SMG1: variants seen among roughly 807,000 people sequenced by gnomAD.
SMG1 encodes the protein SMG1 nonsense mediated mRNA decay associated PI3K related kinase, also known as serine/threonine-protein kinase SMG1.
SMG1 carries 22 observed loss-of-function variants against 419.9 expected under a neutral mutation model. The observed-to-expected ratio is 0.05, with a 90% CI of 0.04 to 0.07. The LOEUF is 0.07. SMG1 is among the 10% of genes least tolerant of loss of function. The pLI, the probability that SMG1 is intolerant of heterozygous loss-of-function variation, is 1.00. For missense variants in SMG1, 3,185 were observed against 4,342.0 expected (o/e 0.73, Z 7.49); for synonymous variants, 1,538 against 1,553.5 (o/e 0.99, Z 0.23).
At chr16:18,828,769 C>CGGGT (rs2032941367) in intron 54 of SMG1, among the ~76,000 whole-genome samples, 1 of 152,170 alleles carries the variant, frequency 6.6e-6, no homozygotes, top group East Asian at 1.9e-4. Context: ...GAGGCCAAGG[C>CGGGT]GGGTGGATCA....
Position 18,827,489 on chromosome 16 carries a change from AAATATACC to A in SMG1, c.9741+534_9741+541del, listed in dbSNP as rs1215457165. Among the ~76,000 whole-genome samples the A allele has an allele frequency of 4.1e-5, 6 of 145,500 alleles. No homozygotes were observed. In the East Asian group the frequency reaches 1.2e-3, roughly 29 times the overall value. ...ATATATTTTTATATATATTTGGTAT[AAATATACC>A]AAAATATATATTTTTATATATCTTT... On this transcript the variant is annotated intron_variant, in intron 55 of 62. Coordinates refer to ENST00000446231, the MANE Select transcript of SMG1 (RefSeq NM_015092.5).
intron 33 of SMG1, 38 bp downstream of exon 33, chr16:18,852,029 G>T: frequency 6.4e-7 from 1 of 1,555,698 alleles, no homozygotes; most frequent in South Asian, 1.2e-5. Context: ...CAATGATTTG[G>T]AGTAGCAATC....
chr16:18,816,343 G>C lies in SMG1; in HGVS notation c.10261C>G (p.Gln3421Glu). Residue 3421 changes from glutamine (Q) to glutamate (E), a missense_variant, in exon 58 of 63, where the codon CAG becomes GAG. Physicochemically the swap from Gln to Glu is conservative, Grantham distance 29. This residue lies in a region of SMG1 where 737 missense variants were observed against 846.6 expected (regional missense o/e 0.87). Coordinates refer to ENST00000446231, the MANE Select transcript of SMG1 (RefSeq NM_015092.5). ...AAGAGATGTTTGACATCTCCAAGCT[G>C]TCGGTTATGACCAGTGAGCACAGTC... Reference protein sequence around the residue: ...IKTVLTGHNRQLGDVKHLLKA... With the variant: ...IKTVLTGHNRELGDVKHLLKA... The C allele has an allele frequency of 6.2e-7, 1 of 1,613,940 alleles. No individual in the cohort carries two copies. The highest frequency in any genetic ancestry group is 8.5e-7 in the Non-Finnish European group (1 of 1,179,874).
intron 56 of SMG1, among the ~76,000 whole-genome samples, chr16:18,818,817 CCTTT>C: frequency 8.4e-6 from 1 of 119,252 alleles, no homozygotes; most frequent in East Asian, 2.1e-4. Context: ...GGCACAAGGT[CCTTT>C]TTTTTTTTTT....
chr16:18,922,584 C>T (rs939144346), intron 1 of SMG1, among the ~76,000 whole-genome samples: 1 of 152,174 alleles, frequency 6.6e-6, no homozygotes, highest in Non-Finnish European at 1.5e-5. Flanking sequence ...CCTGCCTCAG[C>T]CTCCCGAGTA....
intron 60 of SMG1, among the ~76,000 whole-genome samples, chr16:18,814,202 C>A (rs1410061103): frequency 1.3e-5 from 2 of 151,670 alleles, no homozygotes; most frequent in Non-Finnish European, 2.9e-5. Flanking sequence ...GCATAATCAT[C>A]CCAATGTGTT....
At chr16:18,843,232 T>C (rs963781137) in intron 39 of SMG1, among the ~76,000 whole-genome samples, 2 of 152,244 alleles carry the variant, frequency 1.3e-5, no homozygotes, top group African/African-American at 2.4e-5. Context: ...AGGCTCAATC[T>C]ACTCTTATCA....
At chr16:18,899,783 C>T (rs1223673847) in intron 1 of SMG1, among the ~76,000 whole-genome samples, 1 of 152,018 alleles carries the variant, frequency 6.6e-6, no homozygotes, top group Non-Finnish European at 1.5e-5. Context: ...GAATTAGTGT[C>T]TCAATTTAGT....
At chr16:18,851,316 G>A (rs2034576785) in intron 33 of SMG1, among the ~76,000 whole-genome samples, 1 of 152,234 alleles carries the variant, frequency 6.6e-6, no homozygotes, top group South Asian at 2.1e-4. Flanking sequence ...TCTGAAGGGA[G>A]AGAGTGTGAA....
At chr16:18,919,699 C>CACACACAA (rs2038120075) in intron 1 of SMG1, among the ~76,000 whole-genome samples, 1 of 135,428 alleles carries the variant, frequency 7.4e-6, no homozygotes, top group African/African-American at 2.7e-5. Flanking sequence ...CACACACACA[C>CACACACAA]AATCTCCCTA....
Position 18,845,510 on chromosome 16 carries a change from A to G in SMG1, c.6138T>C (p.Asp2046=). Residue 2046 remains aspartate, a synonymous_variant, in exon 39 of 63, where the codon GAT becomes GAC. Coordinates refer to ENST00000446231, the MANE Select transcript of SMG1 (RefSeq NM_015092.5). ...HEKWFQDNYG[D]AIENALEKLK... ...GTTTTTCTAGGGCATTTTCAATGGC[A>G]TCACCATAGTTATCCTGAAACCATT... The G allele has an allele frequency of 6.2e-7, 1 of 1,613,952 alleles. No homozygotes were observed. Among genetic ancestry groups the G allele is most frequent in the Non-Finnish European group, 8.5e-7 (1 of 1,179,884 alleles).
intron 13 of SMG1, among the ~76,000 whole-genome samples, chr16:18,874,940 G>A (rs1213056911): frequency 7.0e-6 from 1 of 142,056 alleles, no homozygotes; most frequent in Non-Finnish European, 1.5e-5. Context: ...AAGGACTACG[G>A]GTTGAGTATC....
At chr16:18,911,149 G>A (rs944152575) in intron 1 of SMG1, among the ~76,000 whole-genome samples, 8 of 152,178 alleles carry the variant, frequency 5.3e-5, no homozygotes, top group African/African-American at 1.9e-4. Context: ...GCAGAGCTAT[G>A]CTGAAATTTC....
At chr16:18,814,928 G>A (rs67115982) in intron 60 of SMG1, among the ~76,000 whole-genome samples, 5 of 144,514 alleles carry the variant, frequency 3.5e-5, no homozygotes, top group African/African-American at 1.3e-4. Flanking sequence ...TTTTTAAAGA[G>A]ACAGGGTCTT....
chr16:18,899,630 AGAAAACTGTTAAAGAACG>A (rs1480662574), intron 1 of SMG1, among the ~76,000 whole-genome samples: 4 of 152,206 alleles, frequency 2.6e-5, no homozygotes, highest in Non-Finnish European at 5.9e-5. Flanking sequence ...TCCAATAAAT[AGAAAACTGTTAAAGAACG>A]GAAATGAGCA....
intron 9 of SMG1, among the ~76,000 whole-genome samples, chr16:18,883,656 C>T (rs149829429): frequency 0.013 from 1,967 of 152,258 alleles, 52 homozygotes; most frequent in African/African-American, 0.045. Context: ...CGGGGGCTCA[C>T]GCCTATAATC....
At chr16:18,834,690 G>A (rs1157560646) in intron 49 of SMG1, among the ~76,000 whole-genome samples, 4 of 152,186 alleles carry the variant, frequency 2.6e-5, no homozygotes, top group Non-Finnish European at 5.9e-5. Flanking sequence ...AGGTTGCTGT[G>A]AGCCGAGATC....
intron 15 of SMG1, 95 bp from the exon 16 acceptor site, chr16:18,871,577 T>G (rs2035825476): frequency 6.1e-6 from 3 of 492,778 alleles, no homozygotes; most frequent in Non-Finnish European, 1.1e-5. Context: ...CTTCTCTTGG[T>G]TTTTCAAACA....
In SMG1 at chr16:18,852,189, G is replaced by C. The variant is rs371248563; in HGVS notation, c.4930C>G (p.Arg1644Gly). ...TCAGATTTTTCTCTAGGCAGCAGACGAACACCTTCTCCCTGACTATAAAAA... is the reference window on the plus strand; with the variant it reads ...TCAGATTTTTCTCTAGGCAGCAGACCAACACCTTCTCCCTGACTATAAAAA... ...VDNASQGEGVRLLPREKSEVQ... is the reference protein window; with the variant it reads ...VDNASQGEGVGLLPREKSEVQ... Residue 1644 changes from arginine (R) to glycine (G), a missense_variant, in exon 33 of 63, where the codon CGT (arginine) becomes GGT (glycine). Physicochemically the swap from Arg to Gly is moderately radical, Grantham distance 125. This residue lies in a region of SMG1 where 493 missense variants were observed against 552.9 expected (regional missense o/e 0.89). Coordinates refer to ENST00000446231, the MANE Select transcript of SMG1 (RefSeq NM_015092.5). 1 of 1,613,398 alleles carries C rather than the reference G, an allele frequency of 6.2e-7. No individual in the cohort carries two copies. Among genetic ancestry groups the C allele is most frequent in the Non-Finnish European group, 8.5e-7 (1 of 1,179,734 alleles).
Sources: allele counts gnomAD v4.1 joint callset (sites outside exome capture counted in the v4.1 genomes callset), GRCh38; gene constraint gnomAD v4.1.1; regional missense constraint gnomAD v4.1.1; transcripts MANE v1.5; gene names NCBI Gene and HGNC (gene_info 2026-07-23, HGNC 2026-07-21).